CENPP: variants seen among roughly 807,000 people sequenced by gnomAD.
CENPP encodes centromere protein P.
A neutral mutation model predicts 35.6 loss-of-function variants in CENPP; 24 were observed. The observed-to-expected ratio is 0.67, with a 90% confidence interval of 0.49 to 0.95. The LOEUF (loss-of-function observed/expected upper bound fraction) is 0.95, where lower values mean the gene tolerates loss of function less well. Among genes scored for constraint, CENPP ranks in the 40% least tolerant of loss-of-function variants. The probability of loss-of-function intolerance (pLI) is 0.00; values close to 1 mark genes in which losing one functional copy is unlikely to be tolerated. For missense variants in CENPP, 332 were observed against 345.3 expected (o/e 0.96, Z 0.31); for synonymous variants, 120 against 125.5 (o/e 0.96, Z 0.29).
intron 5 of CENPP, among the ~76,000 whole-genome samples, chr9:92,451,195 G>A (rs959919781): frequency 8.7e-5 from 13 of 149,528 alleles, no homozygotes; most frequent in Middle Eastern, 3.4e-3. Flanking sequence ...GAATGGTAAT[G>A]CCTAGGTTTT....
At position 92,337,557 on chromosome 9, in the gene CENPP, A is replaced by G. The variant is rs1036971959; in HGVS notation, c.306A>G (p.Leu102=). 2 of 1,602,696 alleles carry G rather than the reference A, an allele frequency of 1.2e-6. No individual in the cohort carries two copies. The highest frequency in any genetic ancestry group is 1.7e-6 in the Non-Finnish European group (2 of 1,169,776). ...GCTTTACAGGTATTAGAAAAGTTCT[A>G]CAGAGACACAGATTATCAGGAAATT... is the stretch of plus-strand genomic sequence containing the variant. ...EMTEKSIRKV[L]QRHRLSGNCH... is the part of the protein sequence containing the mutation. Residue 102 remains leucine (L), a synonymous_variant, in exon 3 of 8, where the codon CTA becomes CTG. Coordinates refer to ENST00000375587, the MANE Select transcript of CENPP (RefSeq NM_001012267.3).
At chr9:92,435,171 A>G (rs779095234) in intron 5 of CENPP, among the ~76,000 whole-genome samples, 5 of 152,202 alleles carry the variant, frequency 3.3e-5, no homozygotes, top group Non-Finnish European at 1.5e-5. Context: ...CATCTTTTTC[A>G]AGATTCAGAT....
intron 5 of CENPP, among the ~76,000 whole-genome samples, chr9:92,609,902 A>G (rs1262718918): frequency 1.3e-5 from 2 of 151,602 alleles, no homozygotes; most frequent in Non-Finnish European, 2.9e-5. Context: ...CACCACGCCC[A>G]GCTAATTTTT....
Position 92,396,568 on chromosome 9 carries a change from ATT to A in CENPP, c.564+16721_564+16722del, listed in dbSNP as rs34456971. 7.1e-3 allele frequency among the ~76,000 whole-genome samples: 1,021 copies of A among 144,074 alleles called. 8 individuals carry two copies. The highest frequency in any genetic ancestry group is 0.023 in the African/African-American group (903 of 39,086). 94.5% of individuals were successfully genotyped at this position (144,074 alleles called of 152,430 possible). A position where few individuals can be genotyped will look rare whatever the true frequency, so the allele number is the denominator to read the frequency against. ...CAGTGTACAGGCCTTACATACCTTT[ATT>A]TTTTTTTTTTTGAGACAAGATCTCA... On this transcript the variant is annotated intron_variant, in intron 5 of 7. Coordinates refer to ENST00000375587, the MANE Select transcript of CENPP (RefSeq NM_001012267.3).
chr9:92,542,265 T>C (rs187056336), intron 5 of CENPP, among the ~76,000 whole-genome samples: 132 of 152,364 alleles, frequency 8.7e-4, no homozygotes, highest in African/African-American at 3.0e-3. Flanking sequence ...TTTCTTGCTA[T>C]CAAGTTCCTT....
intron 4 of CENPP, among the ~76,000 whole-genome samples, chr9:92,349,275 C>CT (rs1287997870): frequency 6.6e-6 from 1 of 151,962 alleles, no homozygotes; most frequent in Non-Finnish European, 1.5e-5. Context: ...GCTTGTAATG[C>CT]TTTTTATTTC....
At chr9:92,453,029 G>T (rs1023320736) in intron 5 of CENPP, among the ~76,000 whole-genome samples, 6 of 151,980 alleles carry the variant, frequency 3.9e-5, no homozygotes, top group African/African-American at 1.5e-4. Flanking sequence ...TATCAATTTT[G>T]TTGATCCTTT....
intron 5 of CENPP, among the ~76,000 whole-genome samples, chr9:92,501,758 G>T (rs1219396260): frequency 2.0e-5 from 3 of 152,194 alleles, no homozygotes; most frequent in Non-Finnish European, 2.9e-5. Flanking sequence ...GCTTCTGAAT[G>T]ACACGTGTCC....
intron 5 of CENPP, among the ~76,000 whole-genome samples, chr9:92,536,891 G>A (rs1303310092): frequency 7.2e-6 from 1 of 138,770 alleles, no homozygotes; most frequent in Admixed American, 7.2e-5. Context: ...TTTTTGAGAC[G>A]GGAGTTTTTG....
chr9:92,554,702 A>G (rs574972794), intron 5 of CENPP, among the ~76,000 whole-genome samples: 1 of 151,870 alleles, frequency 6.6e-6, no homozygotes, highest in East Asian at 1.9e-4. Flanking sequence ...CAGTGGCACA[A>G]TCTCGGTTTA....
At chr9:92,465,085 C>T in intron 5 of CENPP, 1 of 1,197,956 alleles carries the variant, frequency 8.3e-7, no homozygotes, top group Non-Finnish European at 1.2e-6. Flanking sequence ...AAAGGAAACT[C>T]ACAGTGCAGA....
chr9:92,508,586 G>T (rs1847150567), intron 5 of CENPP, among the ~76,000 whole-genome samples: 1 of 152,194 alleles, frequency 6.6e-6, no homozygotes. Context: ...GACACCCTTT[G>T]GTCTTCAGCA....
intron 5 of CENPP, among the ~76,000 whole-genome samples, chr9:92,596,792 T>C (rs113774086): frequency 4.6e-5 from 7 of 151,834 alleles, no homozygotes; most frequent in Non-Finnish European, 1.0e-4. Context: ...CACTGTGGCT[T>C]TTTTTTTATA....
At chr9:92,589,237 T>A (rs1273453066) in intron 5 of CENPP, among the ~76,000 whole-genome samples, 1 of 151,200 alleles carries the variant, frequency 6.6e-6, no homozygotes, top group East Asian at 1.9e-4. Context: ...GCACCGTCAC[T>A]AGGGAAGCTG....
chr9:92,409,303 A>T (rs932903909), intron 5 of CENPP, among the ~76,000 whole-genome samples: 2 of 152,204 alleles, frequency 1.3e-5, no homozygotes, highest in African/African-American at 4.8e-5. Context: ...TATTTCCAAG[A>T]TGTAGAAGAA....
At chr9:92,360,130 C>T (rs1362117252) in intron 4 of CENPP, among the ~76,000 whole-genome samples, 2 of 152,180 alleles carry the variant, frequency 1.3e-5, no homozygotes, top group Admixed American at 6.5e-5. Context: ...TTTTAATATT[C>T]TCTTTTAATT....
chr9:92,580,248 T>G (rs1850387796), intron 5 of CENPP, among the ~76,000 whole-genome samples: 1 of 152,170 alleles, frequency 6.6e-6, no homozygotes, highest in Non-Finnish European at 1.5e-5. Flanking sequence ...ATCAAGGATA[T>G]TGGTCTAAAA....
In CENPP at chr9:92,457,105, T is replaced by G. The variant is rs918954979; in HGVS notation, c.564+77246T>G. Reference sequence around the variant, plus strand: ...AGATGCTTGTTTCTCTCAACCCTTATGTATCAATAGTTTGGCAAAATTCCG... The same window carrying G: ...AGATGCTTGTTTCTCTCAACCCTTAGGTATCAATAGTTTGGCAAAATTCCG... On this transcript the variant is annotated intron_variant, in intron 5 of 7. Coordinates refer to ENST00000375587, the MANE Select transcript of CENPP (RefSeq NM_001012267.3). 3.6e-6 allele frequency: 5 copies of G among 1,397,176 alleles called. No homozygotes were observed. The African/African-American group carries it at 7.3e-5, about 20-fold the overall frequency. The allele number at this position is 1,397,176 out of a possible 1,614,324, so 86.5% of individuals were successfully genotyped here. A position where few individuals can be genotyped will look rare whatever the true frequency, so the allele number is the denominator to read the frequency against.
intron 5 of CENPP, among the ~76,000 whole-genome samples, chr9:92,438,889 GT>G: frequency 6.6e-6 from 1 of 152,336 alleles, no homozygotes; most frequent in African/African-American, 2.4e-5. Context: ...GGAGGCAGAG[GT>G]TGCAAAGCTG....
Sources: gnomAD v4.1 joint callset for allele counts (sites outside exome capture counted in the v4.1 genomes callset) on GRCh38, gnomAD v4.1.1 for gene constraint, MANE v1.5 for transcripts, NCBI Gene and HGNC (gene_info 2026-07-23, HGNC 2026-07-21) for gene names.